The following ROBO2 variants were observed in gnomAD, a reference collection of about 807,000 sequenced individuals.
ROBO2 encodes roundabout guidance receptor 2, also known as roundabout homolog 2.
Under a neutral mutation model 160.8 loss-of-function variants are expected in ROBO2, and 53 were observed. The observed-to-expected ratio is 0.33, with a 90% CI of 0.26 to 0.41. The LOEUF (loss-of-function observed/expected upper bound fraction) is 0.41, where lower values mean the gene tolerates loss of function less well. Ranked by LOEUF, ROBO2 falls within the 10% of genes least tolerant of loss-of-function variation. The pLI is 1.00. For synonymous variants in ROBO2, 664 were observed against 611.7 expected (o/e 1.09, Z -1.26); for missense variants, 1,577 against 1,722.4 (o/e 0.92, Z 1.49).
In ROBO2 at chr3:76,792,099, C is replaced by T. The variant is rs149151164; in HGVS notation, c.110-305915C>T. On this transcript the variant is annotated intron_variant, in intron 2 of 26. Transcript: ENST00000487694. ...TTTATTTAAAGACAAAAAGAAAAAA[C>T]GTTCTGGTAAGGAATAAGTTTTTCA... Among the ~76,000 whole-genome samples the T allele has an allele frequency of 2.2e-3, 341 of 151,852 alleles. 2 individuals carry two copies. Among genetic ancestry groups the T allele is most frequent in the African/African-American group, 7.6e-3 (314 of 41,486 alleles).
intron 2 of ROBO2, among the ~76,000 whole-genome samples, chr3:76,591,715 C>A (rs2086429057): frequency 6.6e-6 from 1 of 151,966 alleles, no homozygotes; most frequent in Non-Finnish European, 1.5e-5. Flanking sequence ...ATATACCAGG[C>A]AAAATAATTG....
intron 2 of ROBO2, among the ~76,000 whole-genome samples, chr3:77,411,509 A>G (rs71322794): frequency 0.018 from 2,699 of 152,292 alleles, 52 homozygotes; most frequent in Non-Finnish European, 0.025. Context: ...CTTGCTAAGT[A>G]AGTTATGGTG....
At chr3:76,865,287 A>C (rs2071250976) in intron 2 of ROBO2, among the ~76,000 whole-genome samples, 1 of 152,150 alleles carries the variant, frequency 6.6e-6, no homozygotes, top group Admixed American at 6.6e-5. Context: ...AAAAGAATGA[A>C]TTACTAGAAA....
intron 20 of ROBO2, among the ~76,000 whole-genome samples, chr3:77,605,118 C>T (rs1422658136): frequency 2.0e-5 from 3 of 149,914 alleles, no homozygotes; most frequent in Non-Finnish European, 4.4e-5. Context: ...TGGATGTGAT[C>T]GCACCACTGC....
chr3:76,996,767 C>T (rs2061037996), intron 2 of ROBO2, among the ~76,000 whole-genome samples: 1 of 152,092 alleles, frequency 6.6e-6, no homozygotes, highest in Non-Finnish European at 1.5e-5. Context: ...GAGAGTTTAA[C>T]AAAGTAAACT....
intron 2 of ROBO2, among the ~76,000 whole-genome samples, chr3:77,327,030 C>T (rs1315948720): frequency 1.3e-5 from 2 of 152,078 alleles, no homozygotes; most frequent in East Asian, 3.9e-4. Flanking sequence ...AGTGTGCAGG[C>T]AGTTCTCAAT....
At position 76,744,189 on chromosome 3, in the gene ROBO2, T is replaced by C. The variant is rs1042394083; in HGVS notation, c.110-353825T>C. ...AACAAAGTATTACAAAATGGATGGC[T>C]TAAACAATAGGATTTTGTTTTTTCA... On this transcript the variant is annotated intron_variant, in intron 2 of 26. Coordinates refer to the ROBO2 transcript ENST00000487694. Among the ~76,000 whole-genome samples, 9 of 152,188 alleles carry C rather than the reference T, an allele frequency of 5.9e-5. No individual in the cohort carries two copies. The East Asian group carries it at 9.6e-4, about 16-fold the overall frequency.
intron 2 of ROBO2, among the ~76,000 whole-genome samples, chr3:76,902,829 T>G (rs182535559): frequency 1.3e-5 from 2 of 152,094 alleles, no homozygotes; most frequent in East Asian, 3.9e-4. Context: ...ATATTTTCCT[T>G]TCTGTTACTG....
At chr3:77,196,898 A>G (rs936164421) in intron 2 of ROBO2, among the ~76,000 whole-genome samples, 5 of 152,082 alleles carry the variant, frequency 3.3e-5, no homozygotes, top group Non-Finnish European at 7.4e-5. Flanking sequence ...TGAGCCTAAT[A>G]TATCAAAAAA....
intron 2 of ROBO2, among the ~76,000 whole-genome samples, chr3:76,016,814 A>G (rs753437224): frequency 1.3e-5 from 2 of 152,100 alleles, no homozygotes; most frequent in Non-Finnish European, 2.9e-5. Context: ...GTGCCAGAAG[A>G]CAGTGCTTCT....
Position 77,006,239 on chromosome 3 carries a change from T to A in ROBO2, c.110-91775T>A, listed in dbSNP as rs1010862426. ...ACCATATATGTGATTAATAGGAATA[T>A]AGAAATCAAAAATAGACACATATAA... On this transcript the variant is annotated intron_variant, in intron 2 of 26. Transcript: ENST00000487694. Among the ~76,000 whole-genome samples the A allele has an allele frequency of 4.6e-5, 7 of 151,820 alleles. 2 individuals carry two copies. Among genetic ancestry groups the A allele is most frequent in the Admixed American group, 4.6e-4 (7 of 15,218 alleles).
At chr3:76,471,333 C>T (rs776927000) in intron 2 of ROBO2, among the ~76,000 whole-genome samples, 1 of 152,064 alleles carries the variant, frequency 6.6e-6, no homozygotes, top group Non-Finnish European at 1.5e-5. Context: ...GTTTAATTTC[C>T]AGTCTTTTGC....
intron 2 of ROBO2, among the ~76,000 whole-genome samples, chr3:76,409,115 G>A (rs1020281808): frequency 8.5e-5 from 13 of 152,088 alleles, no homozygotes; most frequent in South Asian, 4.1e-4. Flanking sequence ...ATGGTAGAAC[G>A]TTCAGAACTC....
At chr3:76,096,117 T>G (rs2069442837) in intron 2 of ROBO2, among the ~76,000 whole-genome samples, 1 of 152,136 alleles carries the variant, frequency 6.6e-6, no homozygotes, top group African/African-American at 2.4e-5. Flanking sequence ...ATGTGTGCAG[T>G]GCATGTCATA....
chr3:76,061,468 CA>C (rs1178834861), intron 2 of ROBO2, among the ~76,000 whole-genome samples: 2 of 152,060 alleles, frequency 1.3e-5, no homozygotes, highest in African/African-American at 4.8e-5. Flanking sequence ...AAGGTGGACA[CA>C]GATATAAAAT....
intron 2 of ROBO2, among the ~76,000 whole-genome samples, chr3:76,424,257 C>T: frequency 6.6e-6 from 1 of 152,124 alleles, no homozygotes; most frequent in East Asian, 1.9e-4. Context: ...CTGACATTCA[C>T]ACTTATCAAT....
chr3:77,397,539 A>G (rs1251235181), intron 2 of ROBO2, among the ~76,000 whole-genome samples: 1 of 152,106 alleles, frequency 6.6e-6, no homozygotes, highest in Non-Finnish European at 1.5e-5. Context: ...GCGATTAGTT[A>G]CTTTCATTAA....
At chr3:76,618,552 T>G (rs1376466937) in intron 2 of ROBO2, among the ~76,000 whole-genome samples, 1 of 151,458 alleles carries the variant, frequency 6.6e-6, no homozygotes, top group Non-Finnish European at 1.5e-5. Flanking sequence ...TTTTGACAAC[T>G]TTAAACACTT....
intron 3 of ROBO2, 144 bp from the exon 4 acceptor site, chr3:77,480,955 C>T (rs573427600): frequency 1.0e-5 from 7 of 674,862 alleles, no homozygotes; most frequent in Non-Finnish European, 1.8e-5. Flanking sequence ...AGAAAACATA[C>T]CTGCAAATGC....
Sources: allele counts gnomAD v4.1 joint callset (sites outside exome capture counted in the v4.1 genomes callset), GRCh38; gene constraint gnomAD v4.1.1; transcripts MANE v1.5; gene names NCBI Gene and HGNC (gene_info 2026-07-23, HGNC 2026-07-21).